Variants in CEMIP observed in about 807,000 individuals in gnomAD.
CEMIP encodes cell migration inducing hyaluronidase 1.
A neutral mutation model predicts 156.9 loss-of-function variants in CEMIP; 105 were observed. The ratio of observed to expected loss-of-function variants is 0.67; its 90% CI spans 0.57 to 0.79. The LOEUF (loss-of-function observed/expected upper bound fraction) is 0.79, where lower values mean the gene tolerates loss of function less well. Ranked by LOEUF, CEMIP falls within the 30% of genes least tolerant of loss-of-function variation. The pLI is 0.00. For missense variants in CEMIP, 1,457 were observed against 1,769.4 expected (o/e 0.82, Z 3.17); for synonymous variants, 676 against 668.4 (o/e 1.01, Z -0.17).
chr15:80,809,507 A>G (rs1251161880), intron 1 of CEMIP, among the ~76,000 whole-genome samples: 1 of 152,248 alleles, frequency 6.6e-6, no homozygotes, highest in African/African-American at 2.4e-5. Flanking sequence ...GATGAAACTG[A>G]TAGGTTAATT....
intron 29 of CEMIP, chr15:80,947,722 A>T (rs542005931): frequency 6.5e-6 from 1 of 153,870 alleles, no homozygotes; most frequent in Admixed American, 6.4e-5. Flanking sequence ...AATGATAATG[A>T]TCATTGTGGT....
At chr15:80,929,608 G>C (rs1358433758) in intron 21 of CEMIP, among the ~76,000 whole-genome samples, 1 of 152,170 alleles carries the variant, frequency 6.6e-6, no homozygotes, top group Non-Finnish European at 1.5e-5. Flanking sequence ...GTCACATGCA[G>C]GTTGGGGTCT....
chr15:80,807,541 G>C (rs901872205), intron 1 of CEMIP, among the ~76,000 whole-genome samples: 1 of 152,140 alleles, frequency 6.6e-6, no homozygotes, highest in African/African-American at 2.4e-5. Flanking sequence ...GAGGATATTT[G>C]TAAGAATTAG....
In CEMIP at chr15:80,906,308, C is replaced by G. The variant is rs1899800636; in HGVS notation, c.1412-355C>G. 6.6e-6 allele frequency among the ~76,000 whole-genome samples: 1 copy of G among 152,234 alleles called. No homozygotes were observed. Among genetic ancestry groups the G allele is most frequent in the South Asian group, 2.1e-4 (1 of 4,828 alleles). ...GGCACTTATCACTTCTCAAACCTTA[C>G]AGCCACACCTAACTACAGGGAGGCT... On this transcript the variant is annotated intron_variant, in intron 12 of 29. Transcript: ENST00000394685. This position sits in a 1 kb window ranked among gnomAD's most constrained non-coding sequence, Gnocchi z 4.3.
At chr15:80,832,326 G>GTA (rs1596119318) in intron 1 of CEMIP, among the ~76,000 whole-genome samples, 1 of 142,206 alleles carries the variant, frequency 7.0e-6, no homozygotes, top group East Asian at 2.0e-4. Flanking sequence ...TAAACTCTGT[G>GTA]TGTGTGTGTG....
At chr15:80,869,685 G>T (rs1013211288) in intron 1 of CEMIP, among the ~76,000 whole-genome samples, 2 of 152,164 alleles carry the variant, frequency 1.3e-5, no homozygotes, top group East Asian at 1.9e-4. Context: ...CGAGAGGCAG[G>T]ATTCACATCC....
intron 1 of CEMIP, among the ~76,000 whole-genome samples, chr15:80,864,442 G>A (rs78815608): frequency 0.024 from 3,640 of 152,294 alleles, 144 homozygotes; most frequent in African/African-American, 0.083. Context: ...CCAGGCTGAC[G>A]GTCAGCTGCA....
At position 80,949,028 on chromosome 15, in the gene CEMIP, C is replaced by A; in HGVS notation, c.*104C>A. 1 of 1,481,646 alleles carries A rather than the reference C, an allele frequency of 6.7e-7. No homozygotes were observed. Among genetic ancestry groups the A allele is most frequent in the Non-Finnish European group, 9.4e-7 (1 of 1,066,274 alleles). The allele number at this position is 1,481,646 out of a possible 1,614,324, so 91.8% of individuals were successfully genotyped here. On this transcript the variant is annotated 3_prime_UTR_variant, in exon 30 of 30. Coordinates refer to ENST00000394685, the MANE Select transcript of CEMIP (RefSeq NM_001293298.2). Reference sequence around the variant, plus strand: ...GTCCCCCAGCCCCTGCCAGCAGCTGCCTGGGAAGGCCGTGTTTCAGCCCTG... The same window carrying A: ...GTCCCCCAGCCCCTGCCAGCAGCTGACTGGGAAGGCCGTGTTTCAGCCCTG...
intron 12 of CEMIP, among the ~76,000 whole-genome samples, chr15:80,901,245 T>C (rs1415824414): frequency 6.6e-6 from 1 of 152,200 alleles, no homozygotes; most frequent in Non-Finnish European, 1.5e-5. Flanking sequence ...TCTTGTTCAC[T>C]CTTCACAACA....
intron 11 of CEMIP, 57 bp from the exon 12 acceptor site, chr15:80,895,812 C>T: frequency 3.8e-6 from 6 of 1,572,642 alleles, no homozygotes; most frequent in Non-Finnish European, 4.4e-6. Context: ...AAGAGGTAGC[C>T]AAAAGTTTGC....
At chr15:80,909,794 T>C (rs1320444558) in intron 14 of CEMIP, 1 of 363,684 alleles carries the variant, frequency 2.7e-6, no homozygotes, top group African/African-American at 2.1e-5. Context: ...GGCATGTGTA[T>C]CAGAGGCTTG....
chr15:80,946,884 G>T, intron 28 of CEMIP, 81 bp from the exon 29 acceptor site: 1 of 920,026 alleles, frequency 1.1e-6, no homozygotes, highest in South Asian at 1.4e-5. Flanking sequence ...GTCCCACCAT[G>T]CACAAACCAA....
In CEMIP at chr15:80,779,418, T is replaced by G. The variant is rs1219249157; in HGVS notation, c.-372T>G. ...CAGCGCGGTGCTATCGGACAGAGCC[T>G]GGCGAGCGCAAGCGGCGCGGGGAGC... On this transcript the variant is annotated 5_prime_UTR_variant, in exon 1 of 30. Transcript: ENST00000394685. 1 of 152,352 alleles carries G rather than the reference T, an allele frequency of 6.6e-6. No homozygotes were observed. Among genetic ancestry groups the G allele is most frequent in the Non-Finnish European group, 1.5e-5 (1 of 68,146 alleles). 9.4% of individuals were successfully genotyped at this position (152,352 alleles called of 1,614,324 possible).
At chr15:80,816,428 A>G (rs1896790142) in intron 1 of CEMIP, among the ~76,000 whole-genome samples, 1 of 152,150 alleles carries the variant, frequency 6.6e-6, no homozygotes, top group South Asian at 2.1e-4. Context: ...TCCTGCAGGC[A>G]GGTGTTTATG....
intron 6 of CEMIP, among the ~76,000 whole-genome samples, chr15:80,883,659 ACT>A (rs1596156942): frequency 1.3e-5 from 2 of 152,258 alleles, no homozygotes; most frequent in Admixed American, 1.3e-4. Flanking sequence ...TCTGCAAGTA[ACT>A]CTGTGCAAGC....
At chr15:80,899,225 A>AAAAAAAG (rs1555433922) in intron 12 of CEMIP, among the ~76,000 whole-genome samples, 2 of 126,784 alleles carry the variant, frequency 1.6e-5, no homozygotes, top group African/African-American at 2.9e-5. Context: ...AAAAAAAAAA[A>AAAAAAAG]AAAGAAAGAA....
At chr15:80,886,006 C>G (rs192089595) in intron 7 of CEMIP, among the ~76,000 whole-genome samples, 273 of 152,248 alleles carry the variant, frequency 1.8e-3, no homozygotes, top group African/African-American at 6.4e-3. Context: ...AGACTTGGAC[C>G]CTTCATTTGT....
chr15:80,926,388 T>A (rs911848121), intron 19 of CEMIP, among the ~76,000 whole-genome samples: 2 of 152,166 alleles, frequency 1.3e-5, no homozygotes, highest in African/African-American at 4.8e-5. Flanking sequence ...TCAGGGAGTA[T>A]TGTGAAATGT....
chr15:80,928,843 G>A (rs752450776), intron 19 of CEMIP, 59 bp from the exon 20 acceptor site: 35 of 1,606,878 alleles, frequency 2.2e-5, no homozygotes, highest in Non-Finnish European at 2.6e-5. Context: ...TTCTCTCCAC[G>A]ACTCCACTGA....
Sources: allele counts gnomAD v4.1 joint callset (sites outside exome capture counted in the v4.1 genomes callset), GRCh38; gene constraint gnomAD v4.1.1; non-coding constraint Gnocchi (gnomAD v3.1); transcripts MANE v1.5; gene names NCBI Gene and HGNC (gene_info 2026-07-23, HGNC 2026-07-21).